DGKB: variants seen among roughly 807,000 people sequenced by gnomAD.
The protein encoded by DGKB is diacylglycerol kinase beta, also known as 90 kDa diacylglycerol kinase.
A neutral mutation model predicts 114.3 loss-of-function variants in DGKB; 67 were observed. That is an observed-to-expected ratio of 0.59 (90% CI 0.48 to 0.72). The LOEUF (loss-of-function observed/expected upper bound fraction) is 0.72. DGKB is among the 30% of genes least tolerant of loss of function. The pLI, the probability that DGKB is intolerant of heterozygous loss-of-function variation, is 0.00. For synonymous variants in DGKB, 398 were observed against 323.1 expected, an observed-to-expected ratio of 1.23 and a Z score of -2.49; for missense variants, 907 against 975.2, an observed-to-expected ratio of 0.93 and a Z score of 0.93.
chr7:14,894,702 AG>A (rs1781832428), intron 1 of DGKB, among the ~76,000 whole-genome samples: 1 of 151,534 alleles, frequency 6.6e-6, no homozygotes, highest in African/African-American at 2.4e-5. Flanking sequence ...GCAGTTATGC[AG>A]GTACCTTGGA....
intron 20 of DGKB, among the ~76,000 whole-genome samples, chr7:14,531,328 C>T (rs1251994700): frequency 2.6e-5 from 4 of 151,402 alleles, no homozygotes; most frequent in Admixed American, 2.6e-4. Context: ...CCAACAAAAA[C>T]ATCACTGGAA....
chr7:14,203,050 G>A (rs1054802687), intron 23 of DGKB, among the ~76,000 whole-genome samples: 2 of 147,926 alleles, frequency 1.4e-5, no homozygotes, highest in Non-Finnish European at 3.0e-5. Flanking sequence ...CTACAATTAA[G>A]CGATTCAGTC....
intron 23 of DGKB, among the ~76,000 whole-genome samples, chr7:14,205,978 G>A (rs1448964888): frequency 6.6e-6 from 1 of 151,910 alleles, no homozygotes; most frequent in African/African-American, 2.4e-5. Context: ...TAGACTTTGG[G>A]TAAGATCATT....
chr7:14,958,426 AACACACACACACACACAC>A (rs754087921), intron 1 of DGKB, among the ~76,000 whole-genome samples: 69 of 122,856 alleles, frequency 5.6e-4, no homozygotes, highest in Middle Eastern at 4.3e-3. Context: ...TACCTCTCCC[AACACACACACACACACAC>A]ACACACACAC....
At chr7:14,894,375 T>C (rs967635175) in intron 1 of DGKB, among the ~76,000 whole-genome samples, 1 of 151,410 alleles carries the variant, frequency 6.6e-6, no homozygotes, top group South Asian at 2.1e-4. Flanking sequence ...CACCTTCTCT[T>C]TGATCAGGAT....
At chr7:14,743,398 T>C (rs1832835523) in intron 4 of DGKB, among the ~76,000 whole-genome samples, 1 of 152,172 alleles carries the variant, frequency 6.6e-6, no homozygotes, top group Non-Finnish European at 1.5e-5. Flanking sequence ...TTTTGAGTCA[T>C]CATTTTAACA....
chr7:14,872,071 C>A (rs1852552495), intron 1 of DGKB, among the ~76,000 whole-genome samples: 1 of 152,038 alleles, frequency 6.6e-6, no homozygotes. Context: ...AGTGGTGATT[C>A]ACTAGATCTA....
At chr7:14,278,174 C>A (rs1209613759) in intron 23 of DGKB, among the ~76,000 whole-genome samples, 2 of 151,116 alleles carry the variant, frequency 1.3e-5, no homozygotes, top group Non-Finnish European at 2.9e-5. Flanking sequence ...ACAAAAGACC[C>A]TGAATAACCA....
rs1219212746 is a variant in DGKB, at chr7:14,718,528, G to A, written c.466+14C>T. The A allele has an allele frequency of 6.3e-7, 1 of 1,596,478 alleles. No homozygotes were observed. The highest frequency in any genetic ancestry group is 8.5e-7 in the Non-Finnish European group (1 of 1,173,822). ...CCCAATCACGATAAGTAAACAAAAT[G>A]AAGAAACACATACACTCAAGCTTAT... On this transcript the variant is annotated intron_variant, in intron 6 of 25. Coordinates refer to ENST00000402815, the MANE Select transcript of DGKB (RefSeq NM_001350709.2).
At chr7:14,862,616 G>C (rs1043314793) in intron 1 of DGKB, among the ~76,000 whole-genome samples, 15 of 151,928 alleles carry the variant, frequency 9.9e-5, no homozygotes, top group African/African-American at 3.6e-4. Flanking sequence ...TTCAATAAAG[G>C]AGCCTCAACT....
intron 1 of DGKB, among the ~76,000 whole-genome samples, chr7:14,899,605 C>G (rs1451898435): frequency 1.3e-5 from 2 of 152,110 alleles, no homozygotes; most frequent in African/African-American, 4.8e-5. Flanking sequence ...CTCATATTAA[C>G]TGCATTATCT....
At chr7:14,951,998 A>C (rs1294854200) in intron 1 of DGKB, among the ~76,000 whole-genome samples, 1 of 152,050 alleles carries the variant, frequency 6.6e-6, no homozygotes. Context: ...CAGTACTTTT[A>C]ATAGGTGAAC....
intron 21 of DGKB, among the ~76,000 whole-genome samples, chr7:14,461,610 T>C (rs2128869919): frequency 6.6e-6 from 1 of 152,034 alleles, no homozygotes; most frequent in African/African-American, 2.4e-5. Flanking sequence ...AGGCTGTAAT[T>C]AATAGCCTAC....
At chr7:14,470,979 G>A (rs911332733) in intron 21 of DGKB, among the ~76,000 whole-genome samples, 2 of 151,032 alleles carry the variant, frequency 1.3e-5, no homozygotes, top group African/African-American at 2.4e-5. Context: ...TGTCACTACT[G>A]AAATATTATA....
At chr7:14,371,014 C>A (rs1415812188) in intron 21 of DGKB, among the ~76,000 whole-genome samples, 1 of 152,100 alleles carries the variant, frequency 6.6e-6, no homozygotes, top group African/African-American at 2.4e-5. Context: ...TTTATCACTG[C>A]ATAGTATTCC....
intron 2 of DGKB, among the ~76,000 whole-genome samples, chr7:14,768,319 T>A (rs1232578993): frequency 6.6e-6 from 1 of 151,938 alleles, no homozygotes; most frequent in African/African-American, 2.4e-5. Flanking sequence ...AGAATTTGCT[T>A]CCAGATCTTG....
intron 2 of DGKB, among the ~76,000 whole-genome samples, chr7:14,769,178 G>A (rs1836977767): frequency 8.6e-6 from 1 of 115,700 alleles, no homozygotes; most frequent in Admixed American, 9.8e-5. Context: ...GAAGGAAAGA[G>A]AAAGGAAAGA....
At chr7:14,175,498 C>T (rs1312884697) in intron 25 of DGKB, among the ~76,000 whole-genome samples, 1 of 152,156 alleles carries the variant, frequency 6.6e-6, no homozygotes, top group Non-Finnish European at 1.5e-5. Flanking sequence ...ATATAGCTTA[C>T]ATTCATCCAC....
intron 23 of DGKB, among the ~76,000 whole-genome samples, chr7:14,178,410 CAAAAA>C (rs56812836): frequency 0.25 from 30,984 of 121,774 alleles, 4,038 homozygotes; most frequent in African/African-American, 0.39. Context: ...CAAATAATAC[CAAAAA>C]AAAAAAAAAA....
Sources: gnomAD v4.1 joint callset for allele counts (sites outside exome capture counted in the v4.1 genomes callset) on GRCh38, gnomAD v4.1.1 for gene constraint, MANE v1.5 for transcripts, NCBI Gene and HGNC (gene_info 2026-07-23, HGNC 2026-07-21) for gene names.